Variants in HSD17B4 observed in about 807,000 individuals in gnomAD.
HSD17B4 encodes the protein peroxisomal multifunctional enzyme type 2.
Under a neutral mutation model 101.0 loss-of-function variants are expected in HSD17B4, and 70 were observed. The observed-to-expected ratio is 0.69, with a 90% CI of 0.57 to 0.85. HSD17B4 has a LOEUF of 0.85. HSD17B4 is among the 40% of genes least tolerant of loss of function. HSD17B4 has a pLI of 0.00. For synonymous variants in HSD17B4, 347 were observed against 297.1 expected, an observed-to-expected ratio of 1.17 and a Z score of -1.73; for missense variants, 984 against 892.4, an observed-to-expected ratio of 1.10 and a Z score of -1.31.
chr5:119,462,037 T>A (rs1342107982), intron 2 of HSD17B4, among the ~76,000 whole-genome samples: 2 of 152,000 alleles, frequency 1.3e-5, no homozygotes, highest in Non-Finnish European at 2.9e-5. Flanking sequence ...AGGAAAAGAT[T>A]TATGTTAAAA....
At chr5:119,526,286 A>ATATATATATGTG (rs1038736052) in intron 19 of HSD17B4, among the ~76,000 whole-genome samples, 2 of 150,494 alleles carry the variant, frequency 1.3e-5, no homozygotes, top group African/African-American at 2.4e-5. Context: ...CATATATTAT[A>ATATATATATGTG]TATATATATA....
At chr5:119,514,904 G>T (rs1440584837) in intron 16 of HSD17B4, 77 bp from the exon 17 acceptor site, 1 of 839,632 alleles carries the variant, frequency 1.2e-6, no homozygotes, top group Non-Finnish European at 2.1e-6. Flanking sequence ...ACATGATTGT[G>T]TATCAAATGT....
intron 17 of HSD17B4, among the ~76,000 whole-genome samples, chr5:119,521,983 A>G (rs1264753708): frequency 6.6e-6 from 1 of 151,838 alleles, no homozygotes; most frequent in Non-Finnish European, 1.5e-5. Context: ...CATGTGCACA[A>G]TGTGCAGGTT....
chr5:119,531,441 A>G, intron 22 of HSD17B4, 37 bp downstream of exon 22: 4 of 1,573,310 alleles, frequency 2.5e-6, no homozygotes, highest in Non-Finnish European at 3.5e-6. Context: ...ATTCTAAGGT[A>G]ATTCTTAGTA....
At chr5:119,500,901 C>A (rs187947130) in intron 13 of HSD17B4, among the ~76,000 whole-genome samples, 3 of 152,020 alleles carry the variant, frequency 2.0e-5, no homozygotes, top group Non-Finnish European at 4.4e-5. Context: ...AGGTTATGAG[C>A]CTGGTAATAA....
chr5:119,514,884 T>TAA (rs1752475441), intron 16 of HSD17B4, 97 bp from the exon 17 acceptor site: 1 of 781,852 alleles, frequency 1.3e-6, no homozygotes, highest in African/African-American at 1.7e-5. Context: ...GCAGAGTTTA[T>TAA]TGTATTGAAA....
intron 2 of HSD17B4, chr5:119,472,622 C>G (rs541804431): frequency 6.6e-6 from 1 of 152,132 alleles, no homozygotes; most frequent in African/African-American, 2.4e-5. Flanking sequence ...TTAGTAGAGA[C>G]GGGGTTTCAC....
chr5:119,473,273 C>CAT (rs369162095), intron 2 of HSD17B4, among the ~76,000 whole-genome samples: 1 of 36,964 alleles, frequency 2.7e-5, no homozygotes, highest in Non-Finnish European at 4.6e-5. Context: ...GTGGATGAAT[C>CAT]TTTTTTTTTT....
chr5:119,460,134 C>G (rs1366616515), intron 2 of HSD17B4, among the ~76,000 whole-genome samples: 3 of 152,026 alleles, frequency 2.0e-5, no homozygotes, highest in African/African-American at 4.8e-5. Flanking sequence ...CTCGGCCTCC[C>G]AAAGTGCAGG....
chr5:119,486,184 A>G (rs1749594674), intron 8 of HSD17B4, among the ~76,000 whole-genome samples: 1 of 152,196 alleles, frequency 6.6e-6, no homozygotes, highest in Non-Finnish European at 1.5e-5. Context: ...TCACCAAGAC[A>G]GAAGCTGCAG....
chr5:119,494,341 C>CTTTCTTTCTT (rs1561458789), intron 11 of HSD17B4, among the ~76,000 whole-genome samples: 2 of 144,172 alleles, frequency 1.4e-5, no homozygotes, highest in Non-Finnish European at 3.0e-5. Context: ...TTCTTTCTTT[C>CTTTCTTTCTT]TTTCTTTCTT....
chr5:119,467,546 C>G (rs940992366), intron 2 of HSD17B4, among the ~76,000 whole-genome samples: 1 of 152,066 alleles, frequency 6.6e-6, no homozygotes, highest in African/African-American at 2.4e-5. Context: ...ATATAATGAC[C>G]TTGTTTTTCT....
chr5:119,480,506 G>C (rs957910103), intron 8 of HSD17B4, among the ~76,000 whole-genome samples: 1 of 152,120 alleles, frequency 6.6e-6, no homozygotes, highest in African/African-American at 2.4e-5. Flanking sequence ...GTGTGAATAG[G>C]TGTGGGTGAC....
At chr5:119,494,385 C>A (rs1211179740) in intron 11 of HSD17B4, among the ~76,000 whole-genome samples, 1 of 134,420 alleles carries the variant, frequency 7.4e-6, no homozygotes, top group Admixed American at 7.8e-5. Context: ...TTCTTTCTTT[C>A]TTTCTCAAAA....
rs1440146478 is a variant in HSD17B4 at position 119,531,254 on chromosome 5, TGTC to T, written c.1855-9_1855-7del. 6.2e-7 allele frequency: 1 copy of T among 1,613,152 alleles called. No individual in the cohort carries two copies. The highest frequency in any genetic ancestry group is 1.7e-5 in the Admixed American group (1 of 59,942). ...ACAGAACTTTTAAAGTTTATTTTGT[TGTC>T]GTTGTTAGGGCGGGAAGCTTCAGAG... On this transcript the variant is annotated splice_polypyrimidine_tract_variant and intron_variant, in intron 21 of 23. Transcript: ENST00000510025.
chr5:119,459,719 C>G (rs10057643), intron 2 of HSD17B4, among the ~76,000 whole-genome samples: 1,889 of 152,076 alleles, frequency 0.012, 16 homozygotes, highest in African/African-American at 0.023. Context: ...TGCTGGCTCT[C>G]GTCTCTTTTC....
chr5:119,509,377 C>T (rs1751959215), intron 16 of HSD17B4, 133 bp downstream of exon 16: 2 of 736,388 alleles, frequency 2.7e-6, no homozygotes, highest in Non-Finnish European at 5.0e-6. Context: ...TCTGCCACCC[C>T]TGGGACACCA....
intron 22 of HSD17B4, among the ~76,000 whole-genome samples, chr5:119,533,312 G>A (rs532507322): frequency 6.7e-6 from 1 of 149,834 alleles, no homozygotes; most frequent in African/African-American, 2.5e-5. Flanking sequence ...TAAATCCATA[G>A]GGATAATTAT....
At chr5:119,455,668 G>C (rs27938) in intron 1 of HSD17B4, among the ~76,000 whole-genome samples, 1 of 151,540 alleles carries the variant, frequency 6.6e-6, no homozygotes, top group Non-Finnish European at 1.5e-5. Context: ...TGTGTAGTCA[G>C]GGTTCACTGT....
Sources: gnomAD v4.1 joint callset for allele counts (sites outside exome capture counted in the v4.1 genomes callset) on GRCh38, gnomAD v4.1.1 for gene constraint, MANE v1.5 for transcripts, NCBI Gene and HGNC (gene_info 2026-07-23, HGNC 2026-07-21) for gene names.